Variants in NCKAP5 observed in about 807,000 individuals in gnomAD.
NCKAP5 encodes NCK associated protein 5.
A neutral mutation model predicts 167.0 loss-of-function variants in NCKAP5; 92 were observed. The observed-to-expected ratio is 0.55, with a 90% CI of 0.47 to 0.66. NCKAP5 has a LOEUF of 0.66. Among genes scored for constraint, NCKAP5 ranks in the 30% least tolerant of loss-of-function variants. The pLI is 0.00. For synonymous variants in NCKAP5, 891 were observed against 877.4 expected (o/e 1.02, Z -0.27); for missense variants, 2,378 against 2,315.0 (o/e 1.03, Z -0.56).
At chr2:132,932,660 C>G (rs185425851) in intron 8 of NCKAP5, among the ~76,000 whole-genome samples, 124 of 152,180 alleles carry the variant, frequency 8.1e-4, no homozygotes, top group African/African-American at 2.9e-3. Context: ...GAGTCTATGC[C>G]TAGAAGGGGT....
At chr2:132,687,312 A>G (rs1686074861) in intron 19 of NCKAP5, among the ~76,000 whole-genome samples, 1 of 152,196 alleles carries the variant, frequency 6.6e-6, no homozygotes, top group Non-Finnish European at 1.5e-5. Context: ...TATGGCAGGA[A>G]CAGACCAATG....
the NCKAP5 span, among the ~76,000 whole-genome samples, chr2:133,604,494 C>T: frequency 1.3e-4 from 20 of 152,216 alleles, no homozygotes; most frequent in South Asian, 2.7e-3. Context: ...GTCTGAGACA[C>T]CTCACCCAGT....
chr2:133,489,804 A>G (rs1181000099), intron 3 of NCKAP5, among the ~76,000 whole-genome samples: 4 of 152,206 alleles, frequency 2.6e-5, no homozygotes, highest in African/African-American at 9.6e-5. Context: ...TCCATTTGAA[A>G]TGGACACGGT....
the NCKAP5 span, among the ~76,000 whole-genome samples, chr2:133,578,053 C>CA: frequency 6.6e-6 from 1 of 152,148 alleles, no homozygotes; most frequent in Non-Finnish European, 1.5e-5. Context: ...AGCAACTTCT[C>CA]AAAATCTCAA....
the NCKAP5 span, among the ~76,000 whole-genome samples, chr2:133,625,870 CAAA>C: frequency 7.9e-5 from 7 of 88,960 alleles, no homozygotes; most frequent in Admixed American, 3.8e-4. Flanking sequence ...AGACTTGTCT[CAAA>C]AAAAAAAAAA....
chr2:133,329,506 G>A (rs1469539316), intron 3 of NCKAP5, among the ~76,000 whole-genome samples: 1 of 152,110 alleles, frequency 6.6e-6, no homozygotes, highest in Non-Finnish European at 1.5e-5. Context: ...AAGAGAAAAG[G>A]AGAATAAATC....
At chr2:133,643,203 T>A in the NCKAP5 span, among the ~76,000 whole-genome samples, 1 of 152,324 alleles carries the variant, frequency 6.6e-6, no homozygotes, top group South Asian at 2.1e-4. Context: ...TTTATACATA[T>A]TTTATTGACC....
intron 19 of NCKAP5, among the ~76,000 whole-genome samples, chr2:132,694,151 T>C (rs902458949): frequency 1.3e-5 from 2 of 149,602 alleles, no homozygotes; most frequent in Non-Finnish European, 3.0e-5. Flanking sequence ...TGAATTTCTT[T>C]TCTTTATTTG....
chr2:133,616,441 T>C, the NCKAP5 span, among the ~76,000 whole-genome samples: 97 of 151,546 alleles, frequency 6.4e-4, no homozygotes, highest in Non-Finnish European at 2.1e-4. Flanking sequence ...AAGAATCAAA[T>C]AGATGCAATA....
chr2:132,923,950 CGTTAGCCCA>C (rs1695646958), intron 8 of NCKAP5, among the ~76,000 whole-genome samples: 1 of 152,158 alleles, frequency 6.6e-6, no homozygotes, highest in Admixed American at 6.6e-5. Context: ...AAAAGCTGGA[CGTTAGCCCA>C]GTTAGCCTGA....
In NCKAP5 at chr2:132,995,832, G is replaced by A. The variant is rs113799300; in HGVS notation, c.342-1593C>T. 9.3e-4 allele frequency among the ~76,000 whole-genome samples: 141 copies of A among 151,964 alleles called. 1 individual carries two copies. The highest frequency in any genetic ancestry group is 3.2e-3 in the African/African-American group (133 of 41,442). On this transcript the variant is annotated intron_variant, in intron 6 of 19. Transcript: ENST00000409261. ...TTTACTAAAAATACAAAAATTAGCC[G>A]GGTGTGGTGGCAGGTGCCTGTAATC...
intron 3 of NCKAP5, among the ~76,000 whole-genome samples, chr2:133,400,312 C>T (rs1004862575): frequency 2.2e-4 from 34 of 152,158 alleles, no homozygotes; most frequent in Admixed American, 1.3e-4. Flanking sequence ...AAGATATGCC[C>T]ATGACTTTAC....
At chr2:133,009,855 G>A (rs1304542221) in intron 6 of NCKAP5, among the ~76,000 whole-genome samples, 1 of 151,996 alleles carries the variant, frequency 6.6e-6, no homozygotes, top group African/African-American at 2.4e-5. Flanking sequence ...GGATCGTGAG[G>A]TCAGGAGTTC....
intron 4 of NCKAP5, among the ~76,000 whole-genome samples, chr2:133,261,580 G>T (rs2088909775): frequency 6.6e-6 from 1 of 152,118 alleles, no homozygotes; most frequent in Admixed American, 6.5e-5. Context: ...CCCTCTTCCA[G>T]CTGAGAATAA....
chr2:132,971,438 C>T (rs2076830583), intron 7 of NCKAP5, among the ~76,000 whole-genome samples: 1 of 152,198 alleles, frequency 6.6e-6, no homozygotes, highest in South Asian at 2.1e-4. Flanking sequence ...TGTCTTTACC[C>T]TCAGGGAAAT....
the NCKAP5 span, among the ~76,000 whole-genome samples, chr2:133,662,191 G>T: frequency 3.3e-5 from 5 of 152,176 alleles, no homozygotes; most frequent in South Asian, 8.3e-4. Flanking sequence ...ATAATTTTTG[G>T]CCAGATTATT....
intron 11 of NCKAP5, among the ~76,000 whole-genome samples, chr2:132,842,651 A>G (rs1688373655): frequency 6.6e-6 from 1 of 151,858 alleles, no homozygotes. Context: ...CTGGGCTCCA[A>G]TCCTCCCACT....
At chr2:133,196,935 G>A (rs964716428) in intron 5 of NCKAP5, among the ~76,000 whole-genome samples, 1 of 152,188 alleles carries the variant, frequency 6.6e-6, no homozygotes, top group Non-Finnish European at 1.5e-5. Context: ...CTCTGAAGGA[G>A]GGGGACCTTG....
At chr2:133,176,101 A>T (rs1264242548) in intron 5 of NCKAP5, among the ~76,000 whole-genome samples, 1 of 152,184 alleles carries the variant, frequency 6.6e-6, no homozygotes, top group Admixed American at 6.5e-5. Context: ...CATATCCAGC[A>T]TCCCTGTTGG....
Sources: gnomAD v4.1 joint callset for allele counts (sites outside exome capture counted in the v4.1 genomes callset) on GRCh38, gnomAD v4.1.1 for gene constraint, MANE v1.5 for transcripts, NCBI Gene and HGNC (gene_info 2026-07-23, HGNC 2026-07-21) for gene names.